Variants in GRAMD1B observed in about 807,000 individuals in gnomAD.
GRAMD1B encodes the protein protein Aster-B.
GRAMD1B carries 37 observed loss-of-function variants against 99.7 expected under a neutral mutation model. The observed-to-expected ratio is 0.37, with a 90% CI of 0.29 to 0.49. The LOEUF is 0.49. GRAMD1B is among the 20% of genes least tolerant of loss of function. The probability of loss-of-function intolerance (pLI) is 0.98; values close to 1 mark genes in which losing one functional copy is unlikely to be tolerated. For missense variants in GRAMD1B, 888 were observed against 1,009.2 expected (o/e 0.88, Z 1.63); for synonymous variants, 427 against 387.6 (o/e 1.10, Z -1.19).
chr11:123,563,581 G>A (rs550834363), intron 2 of GRAMD1B, among the ~76,000 whole-genome samples: 3 of 150,950 alleles, frequency 2.0e-5, no homozygotes, highest in South Asian at 2.1e-4. Context: ...GCATGATGTC[G>A]GCTCACTGCA....
At position 123,606,530 on chromosome 11, in the gene GRAMD1B, G is replaced by A. The variant is rs117525273; in HGVS notation, c.1324-79G>A. On this transcript the variant is annotated intron_variant, in intron 10 of 19. Coordinates refer to ENST00000635736, the MANE Select transcript of GRAMD1B (RefSeq NM_001387025.1). ...AGCTGGGAGTATGAGAGCTGCCAAGGCTGCATCCCTAATCTCCCTTTGGAG... is the reference window on the plus strand; with the variant it reads ...AGCTGGGAGTATGAGAGCTGCCAAGACTGCATCCCTAATCTCCCTTTGGAG... The A allele has an allele frequency of 8.4e-3, 10,820 of 1,292,322 alleles. 73 individuals carry two copies. Among genetic ancestry groups the A allele is most frequent in the Non-Finnish European group, 0.01 (9,651 of 932,766 alleles). The allele number at this position is 1,292,322 out of a possible 1,614,324, so 80.1% of individuals were successfully genotyped here. A position where few individuals can be genotyped will look rare whatever the true frequency, so the allele number is the denominator to read the frequency against.
chr11:123,609,978 T>A, intron 13 of GRAMD1B, 65 bp downstream of exon 13: 1 of 990,884 alleles, frequency 1.0e-6, no homozygotes, highest in Non-Finnish European at 1.6e-6. Flanking sequence ...CTTGAAGGAT[T>A]AAGGGCAGAT....
chr11:123,540,414 T>A (rs1944392028), intron 2 of GRAMD1B, among the ~76,000 whole-genome samples: 1 of 152,222 alleles, frequency 6.6e-6, no homozygotes, highest in Non-Finnish European at 1.5e-5. Context: ...TTTCTCAGTG[T>A]ACTTTCTACA....
intron 2 of GRAMD1B, among the ~76,000 whole-genome samples, chr11:123,556,068 A>C (rs897710164): frequency 2.6e-5 from 4 of 152,182 alleles, no homozygotes; most frequent in African/African-American, 9.7e-5. Context: ...AAAGGCATAA[A>C]AGCACCCCTG....
chr11:123,577,229 T>A (rs964861164), intron 2 of GRAMD1B, 138 bp from the exon 3 acceptor site: 10 of 729,704 alleles, frequency 1.4e-5, no homozygotes, highest in Non-Finnish European at 2.1e-5. Flanking sequence ...GGCCCCTCTC[T>A]CCCGGTTTCT....
At chr11:123,565,065 A>C (rs552371264) in intron 2 of GRAMD1B, among the ~76,000 whole-genome samples, 6 of 152,172 alleles carry the variant, frequency 3.9e-5, no homozygotes, top group African/African-American at 1.2e-4. Context: ...AAAGGATCTC[A>C]CTCTGTTGAC....
intron 2 of GRAMD1B, among the ~76,000 whole-genome samples, chr11:123,563,947 ACTTT>A (rs1947079966): frequency 6.6e-6 from 1 of 152,126 alleles, no homozygotes; most frequent in Non-Finnish European, 1.5e-5. Flanking sequence ...AAAATTTCTG[ACTTT>A]AACATGTGGT....
At chr11:123,412,851 G>A (rs886395975) in intron 1 of GRAMD1B, among the ~76,000 whole-genome samples, 6 of 151,986 alleles carry the variant, frequency 3.9e-5, no homozygotes, top group Admixed American at 2.0e-4. Context: ...GCGCGATCTC[G>A]GCTTACTGCA....
chr11:123,486,951 C>T (rs1937885278), intron 2 of GRAMD1B, among the ~76,000 whole-genome samples: 3 of 152,190 alleles, frequency 2.0e-5, no homozygotes, highest in East Asian at 3.9e-4. Flanking sequence ...CGCCTGTAGT[C>T]CCAGCTACTC....
intron 2 of GRAMD1B, among the ~76,000 whole-genome samples, chr11:123,521,289 T>C (rs1468944625): frequency 6.6e-6 from 1 of 152,254 alleles, no homozygotes; most frequent in African/African-American, 2.4e-5. Context: ...TATATTTTCC[T>C]GAGTACTAAT....
intron 2 of GRAMD1B, among the ~76,000 whole-genome samples, chr11:123,531,393 A>C (rs1943353144): frequency 6.8e-6 from 1 of 146,772 alleles, no homozygotes; most frequent in Non-Finnish European, 1.5e-5. Context: ...AGTAAGCAGC[A>C]ATAAACATTA....
rs535537725 is a variant in GRAMD1B, at chr11:123,565,258, C to T, written c.453-12109C>T. 4.0e-5 allele frequency among the ~76,000 whole-genome samples: 6 copies of T among 149,914 alleles called. No individual in the cohort carries two copies. The East Asian group carries it at 1.2e-3, about 30-fold the overall frequency. ...CTTGCTATGTTGCCCAGCCTGGCCT[C>T]AAAGTCCTGGCCTCAAGCAATCTTC... On this transcript the variant is annotated intron_variant, in intron 2 of 19. Transcript: ENST00000635736.
chr11:123,365,338 G>A (rs1946282772), intron 1 of GRAMD1B, among the ~76,000 whole-genome samples: 2 of 151,522 alleles, frequency 1.3e-5, no homozygotes, highest in African/African-American at 4.9e-5. Context: ...TGCAATTTCT[G>A]CCTCCTGGGT....
chr11:123,616,098 C>T (rs112055971), intron 17 of GRAMD1B, among the ~76,000 whole-genome samples: 5 of 152,032 alleles, frequency 3.3e-5, no homozygotes, highest in Admixed American at 6.6e-5. Flanking sequence ...CTGGGGCAGG[C>T]GGATCATGAG....
intron 18 of GRAMD1B, 45 bp downstream of exon 18, chr11:123,618,845 G>A: frequency 1.1e-6 from 1 of 944,422 alleles, no homozygotes; most frequent in Non-Finnish European, 1.7e-6. Context: ...ATCCCACCCA[G>A]TGCCATGATA....
chr11:123,512,850 A>G (rs1050879348), intron 2 of GRAMD1B, among the ~76,000 whole-genome samples: 7 of 152,022 alleles, frequency 4.6e-5, no homozygotes, highest in African/African-American at 1.7e-4. Flanking sequence ...ATTGGTAGGC[A>G]GAATTTTGTA....
intron 1 of GRAMD1B, among the ~76,000 whole-genome samples, chr11:123,415,228 G>A (rs567110007): frequency 4.0e-5 from 6 of 149,036 alleles, no homozygotes; most frequent in South Asian, 4.4e-4. Context: ...TTAGCTTCCC[G>A]AGTAGCTGGG....
intron 1 of GRAMD1B, among the ~76,000 whole-genome samples, chr11:123,433,046 T>G (rs942436329): frequency 3.9e-5 from 6 of 152,026 alleles, no homozygotes; most frequent in Admixed American, 2.6e-4. Context: ...TGGTGGGAGC[T>G]AACCTTGAAC....
chr11:123,383,574 T>A (rs1946957934), intron 1 of GRAMD1B, among the ~76,000 whole-genome samples: 1 of 152,156 alleles, frequency 6.6e-6, no homozygotes, highest in Non-Finnish European at 1.5e-5. Flanking sequence ...TTTTCTCATA[T>A]CCACCACCTG....
Sources: allele counts gnomAD v4.1 joint callset (sites outside exome capture counted in the v4.1 genomes callset), GRCh38; gene constraint gnomAD v4.1.1; transcripts MANE v1.5; gene names NCBI Gene and HGNC (gene_info 2026-07-23, HGNC 2026-07-21).